SYT1: variants seen among roughly 807,000 people sequenced by gnomAD.
SYT1 encodes the protein synaptotagmin 1.
In SYT1, 8 loss-of-function variants were observed where a neutral mutation model predicts 44.8. The observed-to-expected ratio is 0.18, with a 90% CI of 0.10 to 0.32. The LOEUF is 0.32. Among genes scored for constraint, SYT1 ranks in the 10% least tolerant of loss-of-function variants. The pLI is 1.00. For synonymous variants in SYT1, 154 were observed against 188.8 expected (o/e 0.82, Z 1.51); for missense variants, 286 against 509.3 (o/e 0.56, Z 4.22).
intron 1 of SYT1, among the ~76,000 whole-genome samples, chr12:78,900,616 G>C (rs1475145907): frequency 6.6e-6 from 1 of 151,984 alleles, no homozygotes; most frequent in Non-Finnish European, 1.5e-5. Flanking sequence ...ACATTAGAGT[G>C]GAGCATGGAG....
rs113786774 is a variant in SYT1, at chr12:79,357,744, G to A, written c.928+4125G>A. ...AGTTGGTGCTGTAGAACATGTGTAGGACTTTTTGCCTTATACGTGGAGACA... is the reference window on the plus strand; with the variant it reads ...AGTTGGTGCTGTAGAACATGTGTAGAACTTTTTGCCTTATACGTGGAGACA... On this transcript the variant is annotated intron_variant, in intron 9 of 10. Coordinates refer to ENST00000261205, the MANE Select transcript of SYT1 (RefSeq NM_005639.3). Among the ~76,000 whole-genome samples the A allele has an allele frequency of 9.4e-3, 1,427 of 152,262 alleles. 13 individuals carry two copies. Among genetic ancestry groups the A allele is most frequent in the Admixed American group, 0.015 (237 of 15,292 alleles).
chr12:79,039,648 T>G (rs1565775634), intron 2 of SYT1, among the ~76,000 whole-genome samples: 1 of 151,364 alleles, frequency 6.6e-6, no homozygotes, highest in Non-Finnish European at 1.5e-5. Flanking sequence ...ATACTTTAAG[T>G]TTTAGGGTAC....
intron 4 of SYT1, among the ~76,000 whole-genome samples, chr12:79,242,986 A>T (rs1164546628): frequency 6.6e-6 from 1 of 152,228 alleles, no homozygotes; most frequent in African/African-American, 2.4e-5. Flanking sequence ...CCTCACAATC[A>T]TGGCAGAAGA....
chr12:79,118,699 G>A (rs1465419884), intron 3 of SYT1, among the ~76,000 whole-genome samples: 1 of 152,192 alleles, frequency 6.6e-6, no homozygotes, highest in Non-Finnish European at 1.5e-5. Context: ...GTTATTATCT[G>A]AGTTTTACAG....
intron 9 of SYT1, among the ~76,000 whole-genome samples, chr12:79,368,737 A>G (rs1354203797): frequency 2.0e-5 from 3 of 150,854 alleles, no homozygotes; most frequent in Admixed American, 6.6e-5. Context: ...CCACTTTTTG[A>G]TGGGGTTGTT....
intron 4 of SYT1, among the ~76,000 whole-genome samples, chr12:79,246,617 A>G (rs1245817): frequency 0.71 from 107,976 of 152,050 alleles, 38,879 homozygotes; most frequent in African/African-American, 0.79. Flanking sequence ...CAGGTGGAAG[A>G]GCAAAGGGGC....
intron 3 of SYT1, among the ~76,000 whole-genome samples, chr12:79,187,723 G>T (rs7350564): frequency 1.3e-5 from 2 of 151,846 alleles, no homozygotes; most frequent in Non-Finnish European, 2.9e-5. Context: ...TTTCCTGAGA[G>T]GGCAGAAAAG....
intron 1 of SYT1, among the ~76,000 whole-genome samples, chr12:78,968,762 A>C (rs1258325567): frequency 6.6e-6 from 1 of 152,184 alleles, no homozygotes; most frequent in African/African-American, 2.4e-5. Flanking sequence ...AGTAGGGTTC[A>C]GTAATATTTT....
At chr12:79,351,363 T>C (rs569806722) in intron 8 of SYT1, among the ~76,000 whole-genome samples, 3 of 152,278 alleles carry the variant, frequency 2.0e-5, no homozygotes, top group African/African-American at 7.2e-5. Context: ...TTCAACACAA[T>C]TGCAATGCCC....
intron 3 of SYT1, among the ~76,000 whole-genome samples, chr12:79,182,704 T>G (rs541436906): frequency 6.6e-6 from 1 of 152,092 alleles, no homozygotes; most frequent in Non-Finnish European, 1.5e-5. Context: ...AGCATAAATG[T>G]TTACCCTTCT....
At chr12:79,394,205 G>T (rs1233152276) in intron 9 of SYT1, among the ~76,000 whole-genome samples, 1 of 152,184 alleles carries the variant, frequency 6.6e-6, no homozygotes, top group Non-Finnish European at 1.5e-5. Flanking sequence ...AGATAGCTCG[G>T]TGATAGCACC....
At chr12:79,015,706 G>A (rs1338789966) in intron 2 of SYT1, among the ~76,000 whole-genome samples, 4 of 152,114 alleles carry the variant, frequency 2.6e-5, no homozygotes, top group Non-Finnish European at 5.9e-5. Context: ...AAGTTCAAAT[G>A]AAAGCAATTT....
chr12:78,973,430 C>T (rs557330936), intron 1 of SYT1, among the ~76,000 whole-genome samples: 15 of 152,122 alleles, frequency 9.9e-5, no homozygotes, highest in Admixed American at 5.2e-4. Context: ...CCCTGATAAC[C>T]GCCATTCTAT....
At chr12:79,080,446 G>A (rs760847399) in intron 3 of SYT1, among the ~76,000 whole-genome samples, 1 of 152,018 alleles carries the variant, frequency 6.6e-6, no homozygotes, top group Non-Finnish European at 1.5e-5. Flanking sequence ...GTTAGAGAAA[G>A]TTCTGCTATA....
At chr12:78,888,066 G>A (rs367951062) in intron 1 of SYT1, among the ~76,000 whole-genome samples, 2 of 151,844 alleles carry the variant, frequency 1.3e-5, no homozygotes, top group African/African-American at 2.4e-5. Flanking sequence ...AGAAAATTAA[G>A]ATGTGTCATT....
chr12:78,870,024 C>T (rs567764187), intron 1 of SYT1, among the ~76,000 whole-genome samples: 1 of 152,046 alleles, frequency 6.6e-6, no homozygotes, highest in African/African-American at 2.4e-5. Context: ...ATAAAACACG[C>T]CTTCTATTTC....
At chr12:79,278,764 T>A (rs1056762274) in intron 4 of SYT1, among the ~76,000 whole-genome samples, 1 of 151,486 alleles carries the variant, frequency 6.6e-6, no homozygotes, top group African/African-American at 2.4e-5. Flanking sequence ...ATAGCTAGAT[T>A]AACCAAAAAA....
At chr12:79,318,215 C>T (rs769184549) in intron 8 of SYT1, among the ~76,000 whole-genome samples, 2 of 152,152 alleles carry the variant, frequency 1.3e-5, no homozygotes, top group African/African-American at 2.4e-5. Flanking sequence ...CTAATTACTT[C>T]TAATTTTCCC....
At chr12:78,901,284 T>C (rs1168003196) in intron 1 of SYT1, among the ~76,000 whole-genome samples, 3 of 152,136 alleles carry the variant, frequency 2.0e-5, no homozygotes, top group African/African-American at 7.2e-5. Flanking sequence ...AAAATATTTT[T>C]TTCCAAAAAG....
Sources: gnomAD v4.1 joint callset for allele counts (sites outside exome capture counted in the v4.1 genomes callset) on GRCh38, gnomAD v4.1.1 for gene constraint, MANE v1.5 for transcripts, NCBI Gene and HGNC (gene_info 2026-07-23, HGNC 2026-07-21) for gene names.